The following NBN variants were observed in gnomAD, a reference collection of about 807,000 sequenced individuals.
The protein encoded by NBN is Nijmegen breakage syndrome 1 (nibrin).
Under a neutral mutation model 90.8 loss-of-function variants are expected in NBN, and 88 were observed. The observed-to-expected ratio is 0.97, with a 90% CI of 0.82 to 1.16. The LOEUF is 1.16. NBN is among the 50% of genes most tolerant of loss of function. The probability of loss-of-function intolerance (pLI) is 0.00; values close to 1 mark genes in which losing one functional copy is unlikely to be tolerated. For synonymous variants in NBN, 328 were observed against 295.1 expected (o/e 1.11, Z -1.14); for missense variants, 894 against 869.6 (o/e 1.03, Z -0.35).
chr8:89,980,985 T>C, intron 3 of NBN, 92 bp from the exon 4 acceptor site: 1 of 1,077,690 alleles, frequency 9.3e-7, no homozygotes, highest in South Asian at 1.3e-5. Context: ...TCACATCATA[T>C]ACTGTTATTG....
At chr8:89,943,115 T>C (rs749546063) in intron 14 of NBN, 138 bp downstream of exon 14, 23 of 810,798 alleles carry the variant, frequency 2.8e-5, no homozygotes, top group Non-Finnish European at 4.8e-5. Flanking sequence ...ATTAATGCTC[T>C]GTAACTCAGG....
At chr8:89,972,825 T>C (rs1366828487) in intron 5 of NBN, among the ~76,000 whole-genome samples, 1 of 152,254 alleles carries the variant, frequency 6.6e-6, no homozygotes, top group Non-Finnish European at 1.5e-5. Flanking sequence ...TATGACTGTG[T>C]GTTACAGTCA....
At chr8:89,942,589 A>AGTT (rs1810000163) in intron 14 of NBN, among the ~76,000 whole-genome samples, 3 of 152,172 alleles carry the variant, frequency 2.0e-5, no homozygotes, top group Non-Finnish European at 4.4e-5. Flanking sequence ...GAAAAACAGC[A>AGTT]AGGAACAAGA....
intron 5 of NBN, among the ~76,000 whole-genome samples, chr8:89,977,908 C>T (rs755409122): frequency 4.6e-5 from 7 of 152,206 alleles, no homozygotes; most frequent in Non-Finnish European, 1.0e-4. Flanking sequence ...CTAACTGTGG[C>T]GTGATGCCTG....
At chr8:89,970,315 A>T in intron 7 of NBN, 49 bp downstream of exon 7, 2 of 1,478,734 alleles carry the variant, frequency 1.4e-6, no homozygotes, top group Non-Finnish European at 1.9e-6. Flanking sequence ...AAGGTTAAAC[A>T]TAAAATCTCC....
intron 5 of NBN, among the ~76,000 whole-genome samples, chr8:89,975,187 C>T (rs1326756273): frequency 1.3e-5 from 2 of 152,160 alleles, no homozygotes; most frequent in Non-Finnish European, 2.9e-5. Context: ...TTATAACTGT[C>T]ATATCCTGTT....
intron 7 of NBN, 114 bp from the exon 8 acceptor site, chr8:89,964,621 T>G: frequency 1.9e-6 from 2 of 1,058,362 alleles, no homozygotes; most frequent in Admixed American, 2.3e-5. Flanking sequence ...TTTTATGGTA[T>G]AGACAGAATT....
At chr8:89,958,959 AG>A in intron 8 of NBN, 105 bp from the exon 9 acceptor site, 1 of 1,419,608 alleles carries the variant, frequency 7.0e-7, no homozygotes, top group South Asian at 1.2e-5. Context: ...GGGATTAACT[AG>A]GGAATACTGC....
intron 15 of NBN, chr8:89,936,040 C>T (rs1289577972): frequency 2.7e-6 from 1 of 370,466 alleles, no homozygotes; most frequent in Admixed American, 4.0e-5. Flanking sequence ...TATGGCTGAA[C>T]AACCCATCTC....
At chr8:89,961,035 T>C (rs918811849) in intron 8 of NBN, among the ~76,000 whole-genome samples, 1 of 152,224 alleles carries the variant, frequency 6.6e-6, no homozygotes, top group African/African-American at 2.4e-5. Context: ...TCTCATGACT[T>C]TGTTTCTGTA....
At chr8:89,958,575 C>A in intron 9 of NBN, 150 bp downstream of exon 9, 2 of 991,318 alleles carry the variant, frequency 2.0e-6, no homozygotes, top group Admixed American at 2.1e-5. Flanking sequence ...AACCTGCTGA[C>A]CCTTGTCCTA....
chr8:89,941,948 C>T (rs766876420), intron 14 of NBN, among the ~76,000 whole-genome samples: 1 of 151,944 alleles, frequency 6.6e-6, no homozygotes, highest in Admixed American at 6.6e-5. Context: ...TACACTATAC[C>T]CACTATAAAG....
At chr8:89,976,922 T>C (rs1179328173) in intron 5 of NBN, among the ~76,000 whole-genome samples, 1 of 152,326 alleles carries the variant, frequency 6.6e-6, no homozygotes, top group East Asian at 1.9e-4. Flanking sequence ...GATTTTTTAT[T>C]ACTTTTAAAA....
Position 89,984,662 on chromosome 8 carries a change from G to A in NBN, c.-101C>T. The A allele has an allele frequency of 1.3e-6, 2 of 1,540,356 alleles. No homozygotes were observed. The highest frequency in any genetic ancestry group is 1.2e-5 in the South Asian group (1 of 85,264). On this transcript the variant is annotated 5_prime_UTR_variant, in exon 1 of 16. It adds an upstream start codon to the 5' untranslated region. Transcript: ENST00000265433. ...CTGCGGTCGGCATGGGCTCCGGGAC[G>A]TGCGCGCTCCCGGGAGCCACGCAGG...
At chr8:89,940,362 G>GA (rs1671473067) in intron 14 of NBN, among the ~76,000 whole-genome samples, 1 of 152,096 alleles carries the variant, frequency 6.6e-6, no homozygotes. Context: ...GGGTTCAAGT[G>GA]ATCCTCCTGC....
At position 89,934,976 on chromosome 8, in the gene NBN, T is replaced by A; in HGVS notation, c.*606A>T. On this transcript the variant is annotated 3_prime_UTR_variant, in exon 16 of 16. Coordinates refer to ENST00000265433, the MANE Select transcript of NBN (RefSeq NM_002485.5). ...TGGTCTTCAGTTTCTAGTACTAGAATAACATGTAGGTGACATCTGCACCAC... is the reference window on the plus strand; with the variant it reads ...TGGTCTTCAGTTTCTAGTACTAGAAAAACATGTAGGTGACATCTGCACCAC... 4.3e-6 allele frequency: 1 copy of A among 232,796 alleles called. No homozygotes were observed. Among genetic ancestry groups the A allele is most frequent in the East Asian group, 6.1e-5 (1 of 16,408 alleles). 14.4% of individuals were successfully genotyped at this position (232,796 alleles called of 1,614,324 possible). A position where few individuals can be genotyped will look rare whatever the true frequency, so the allele number is the denominator to read the frequency against.
At chr8:89,964,797 T>C (rs1465374153) in intron 7 of NBN, among the ~76,000 whole-genome samples, 1 of 152,116 alleles carries the variant, frequency 6.6e-6, no homozygotes, top group Admixed American at 6.6e-5. Flanking sequence ...AAGAATACAG[T>C]ACTACCCAAA....
At chr8:89,977,160 G>A (rs1009105621) in intron 5 of NBN, among the ~76,000 whole-genome samples, 1 of 151,968 alleles carries the variant, frequency 6.6e-6, no homozygotes, top group Non-Finnish European at 1.5e-5. Context: ...CTATCAACCT[G>A]TCATCCAGGT....
intron 8 of NBN, among the ~76,000 whole-genome samples, chr8:89,963,885 T>A (rs180749201): frequency 8.3e-4 from 126 of 152,314 alleles, no homozygotes; most frequent in African/African-American, 2.8e-3. Flanking sequence ...AGCATTCTAT[T>A]CACATCTCCT....
Sources: gnomAD v4.1 joint callset for allele counts (sites outside exome capture counted in the v4.1 genomes callset) on GRCh38, gnomAD v4.1.1 for gene constraint, MANE v1.5 for transcripts, NCBI Gene and HGNC (gene_info 2026-07-23, HGNC 2026-07-21) for gene names.